Variants in PTPRO observed in about 807,000 individuals in gnomAD.
PTPRO encodes protein tyrosine phosphatase receptor type O.
Under a neutral mutation model 145.2 loss-of-function variants are expected in PTPRO, and 62 were observed. The observed-to-expected ratio is 0.43, with a 90% CI of 0.35 to 0.53. The LOEUF is 0.53. PTPRO is among the 20% of genes least tolerant of loss of function. The pLI is 0.01. For missense variants in PTPRO, 1,345 were observed against 1,482.7 expected, an observed-to-expected ratio of 0.91 and a Z score of 1.53; for synonymous variants, 565 against 514.7, an observed-to-expected ratio of 1.10 and a Z score of -1.32.
intron 23 of PTPRO, among the ~76,000 whole-genome samples, chr12:15,582,840 A>G (rs1480432216): frequency 6.6e-6 from 1 of 152,162 alleles, no homozygotes; most frequent in Non-Finnish European, 1.5e-5. Context: ...ATCCAAAAAA[A>G]ATGTCTGTTT....
chr12:15,588,177 A>T (rs1944469893), intron 24 of PTPRO, among the ~76,000 whole-genome samples: 1 of 152,242 alleles, frequency 6.6e-6, no homozygotes, highest in Admixed American at 6.5e-5. Context: ...CATGGAAGAT[A>T]GTAAGTGCAG....
chr12:15,430,004 G>C (rs1940389511), intron 1 of PTPRO, among the ~76,000 whole-genome samples: 1 of 152,008 alleles, frequency 6.6e-6, no homozygotes, highest in Non-Finnish European at 1.5e-5. Flanking sequence ...CTACCAATTA[G>C]AGGAAAGATG....
chr12:15,575,945 C>T lies in PTPRO; in HGVS notation c.2830-2908C>T, dbSNP rs536876529. 2.0e-5 allele frequency among the ~76,000 whole-genome samples: 3 copies of T among 152,304 alleles called. No individual in the cohort carries two copies. The East Asian group carries it at 5.8e-4, about 29-fold the overall frequency. On this transcript the variant is annotated intron_variant, in intron 19 of 26. Coordinates refer to ENST00000281171, the MANE Select transcript of PTPRO (RefSeq NM_030667.3). ...ATGTTCTCTAACTTAATTACAACTGCAAAGACACTTTCTCCAAATTAGATC... is the reference window on the plus strand; with the variant it reads ...ATGTTCTCTAACTTAATTACAACTGTAAAGACACTTTCTCCAAATTAGATC...
intron 1 of PTPRO, among the ~76,000 whole-genome samples, chr12:15,392,720 C>CAAAAAA (rs1177789187): frequency 0.015 from 986 of 66,626 alleles, 33 homozygotes; most frequent in African/African-American, 0.048. Context: ...GACCCTGTCT[C>CAAAAAA]AAAAAAAAAA....
At chr12:15,556,636 A>G (rs1295410106) in intron 15 of PTPRO, among the ~76,000 whole-genome samples, 9 of 152,186 alleles carry the variant, frequency 5.9e-5, no homozygotes, top group Admixed American at 5.9e-4. Context: ...CCAGTGATGA[A>G]TAATACGGGC....
At chr12:15,577,574 A>G (rs1387743723) in intron 19 of PTPRO, among the ~76,000 whole-genome samples, 1 of 152,234 alleles carries the variant, frequency 6.6e-6, no homozygotes, top group Non-Finnish European at 1.5e-5. Flanking sequence ...TCCTTGAAGT[A>G]ATAATTGGGA....
rs190464529 is a variant in PTPRO at position 15,510,000 on chromosome 12, T to A, written c.1464+1233T>A. 5.0e-3 allele frequency among the ~76,000 whole-genome samples: 760 copies of A among 152,294 alleles called. 8 individuals carry two copies. The highest frequency in any genetic ancestry group is 0.034 in the Middle Eastern group (10 of 294). On this transcript the variant is annotated intron_variant, in intron 7 of 26. Coordinates refer to ENST00000281171, the MANE Select transcript of PTPRO (RefSeq NM_030667.3). ...GTTTTTACAAGGTCAAATGTGGTGGTTCTTGGTGTCTTACAAACACATTTT... is the reference window on the plus strand; with the variant it reads ...GTTTTTACAAGGTCAAATGTGGTGGATCTTGGTGTCTTACAAACACATTTT...
At chr12:15,387,272 T>C (rs1021879532) in intron 1 of PTPRO, among the ~76,000 whole-genome samples, 2 of 151,114 alleles carry the variant, frequency 1.3e-5, no homozygotes, top group Non-Finnish European at 2.9e-5. Context: ...CACCCTAACC[T>C]CCAAAACAAA....
chr12:15,371,927 G>A (rs575241264), intron 1 of PTPRO, among the ~76,000 whole-genome samples: 2 of 152,222 alleles, frequency 1.3e-5, no homozygotes, highest in South Asian at 2.1e-4. Flanking sequence ...TGCTGTGATC[G>A]TAAGTTTCCT....
chr12:15,580,013 T>C, intron 20 of PTPRO, 26 bp from the exon 21 acceptor site: 1 of 1,590,878 alleles, frequency 6.3e-7, no homozygotes, highest in Non-Finnish European at 8.6e-7. Context: ...TGAATTTTAA[T>C]ATTTTTTTCT....
intron 20 of PTPRO, 79 bp from the exon 21 acceptor site, chr12:15,579,960 T>C: frequency 9.2e-7 from 1 of 1,090,834 alleles, no homozygotes; most frequent in Non-Finnish European, 1.4e-6. Context: ...TGATTTAACT[T>C]AATATTGGAT....
intron 1 of PTPRO, among the ~76,000 whole-genome samples, chr12:15,480,922 G>A (rs1321631348): frequency 6.6e-6 from 1 of 152,176 alleles, no homozygotes; most frequent in East Asian, 1.9e-4. Flanking sequence ...TCTTTAGTCA[G>A]TTGTTTATTT....
At position 15,440,298 on chromosome 12, in the gene PTPRO, C is replaced by T. The variant is rs181667449; in HGVS notation, c.76-43676C>T. ...CTGACCCCCAACCTCCGGAAGGAGACTGTATTCACCATGTCTCCCTATCAG... is the reference window on the plus strand; with the variant it reads ...CTGACCCCCAACCTCCGGAAGGAGATTGTATTCACCATGTCTCCCTATCAG... On this transcript the variant is annotated intron_variant, in intron 1 of 26. Transcript: ENST00000281171. The T allele has an allele frequency of 2.8e-3, 1,497 of 542,430 alleles. 2 individuals are homozygous for T. The highest frequency in any genetic ancestry group is 4.2e-3 in the Non-Finnish European group (1,293 of 306,068). The allele number at this position is 542,430 out of a possible 1,614,324, so 33.6% of individuals were successfully genotyped here. A position where few individuals can be genotyped will look rare whatever the true frequency, so the allele number is the denominator to read the frequency against.
chr12:15,489,054 A>G (rs186798104), intron 2 of PTPRO, among the ~76,000 whole-genome samples: 25 of 152,328 alleles, frequency 1.6e-4, no homozygotes, highest in Admixed American at 1.4e-3. Flanking sequence ...TATTCTAAAT[A>G]AAAATAATTC....
intron 1 of PTPRO, among the ~76,000 whole-genome samples, chr12:15,371,572 G>A (rs186467323): frequency 6.6e-6 from 1 of 152,208 alleles, no homozygotes; most frequent in East Asian, 1.9e-4. Context: ...ACAATAAGAT[G>A]ATCAGCCCTA....
rs1424486230 is a variant in PTPRO at position 15,597,110 on chromosome 12, G to A, written c.*1037G>A. 1 of 152,504 alleles carries A rather than the reference G, an allele frequency of 6.6e-6. No homozygotes were observed. The highest frequency in any genetic ancestry group is 1.5e-5 in the Non-Finnish European group (1 of 68,030). 9.4% of individuals were successfully genotyped at this position (152,504 alleles called of 1,614,324 possible). A position where few individuals can be genotyped will look rare whatever the true frequency, so the allele number is the denominator to read the frequency against. On this transcript the variant is annotated 3_prime_UTR_variant, in exon 27 of 27. Coordinates refer to ENST00000281171, the MANE Select transcript of PTPRO (RefSeq NM_030667.3). Reference sequence around the variant, plus strand: ...ACTTTTTTTTGTAATATTGTCAAATGTCTCTATGGATTCTGACAGAGATTT... The same window carrying A: ...ACTTTTTTTTGTAATATTGTCAAATATCTCTATGGATTCTGACAGAGATTT...
At chr12:15,368,783 C>T (rs1938439772) in intron 1 of PTPRO, among the ~76,000 whole-genome samples, 1 of 152,204 alleles carries the variant, frequency 6.6e-6, no homozygotes, top group African/African-American at 2.4e-5. Flanking sequence ...TGTTATATCA[C>T]ATAATTCCTG....
At chr12:15,552,007 A>G (rs2135562556) in intron 15 of PTPRO, among the ~76,000 whole-genome samples, 1 of 134,230 alleles carries the variant, frequency 7.4e-6, no homozygotes. Context: ...ACAGTTCAGT[A>G]TAGTTAATGA....
intron 16 of PTPRO, 136 bp downstream of exon 16, chr12:15,557,659 G>T (rs1402000699): frequency 1.3e-6 from 1 of 760,888 alleles, no homozygotes; most frequent in African/African-American, 1.7e-5. Context: ...ACTTTCAATG[G>T]CTAGATCTTC....
Sources: gnomAD v4.1 joint callset for allele counts (sites outside exome capture counted in the v4.1 genomes callset) on GRCh38, gnomAD v4.1.1 for gene constraint, MANE v1.5 for transcripts, NCBI Gene and HGNC (gene_info 2026-07-23, HGNC 2026-07-21) for gene names.